Variants in ATL1 observed in about 807,000 individuals in gnomAD.
The protein encoded by ATL1 is atlastin GTPase 1.
A neutral mutation model predicts 75.5 loss-of-function variants in ATL1; 31 were observed. The observed-to-expected ratio is 0.41, with a 90% CI of 0.31 to 0.55. The LOEUF (loss-of-function observed/expected upper bound fraction) is 0.55. Among genes scored for constraint, ATL1 ranks in the 20% least tolerant of loss-of-function variants. ATL1 has a pLI of 0.27. For synonymous variants in ATL1, 226 were observed against 233.3 expected, an observed-to-expected ratio of 0.97 and a Z score of 0.28; for missense variants, 405 against 662.6, an observed-to-expected ratio of 0.61 and a Z score of 4.27.
intron 8 of ATL1, among the ~76,000 whole-genome samples, chr14:50,619,875 G>A (rs143432800): frequency 3.9e-5 from 6 of 152,256 alleles, no homozygotes; most frequent in Non-Finnish European, 7.4e-5. Flanking sequence ...ACATTTTCTG[G>A]AGGGAATGCA....
Position 50,624,699 on chromosome 14 carries a change from G to A in ATL1, c.1119+1451G>A, listed in dbSNP as rs538904922. ...GAAGGCATATGAAAAGCTGACATAG[G>A]CCAAAAGCTAGGCCTTTGCACCAAT... is the stretch of plus-strand genomic sequence containing the variant. On this transcript the variant is annotated intron_variant, in intron 11 of 13. Coordinates refer to ENST00000358385, the MANE Select transcript of ATL1 (RefSeq NM_015915.5). Among the ~76,000 whole-genome samples the A allele has an allele frequency of 1.1e-3, 167 of 152,140 alleles. 2 individuals carry two copies. The highest frequency in any genetic ancestry group is 3.8e-3 in the Admixed American group (58 of 15,260).
chr14:50,567,377 TG>T (rs2038914428), intron 1 of ATL1, among the ~76,000 whole-genome samples: 1 of 152,214 alleles, frequency 6.6e-6, no homozygotes, highest in African/African-American at 2.4e-5. Context: ...TGACAGACAC[TG>T]GGTTGCTTTC....
Position 50,591,067 on chromosome 14 carries a change from G to T in ATL1, c.409G>T (p.Gly137Cys), listed in dbSNP as rs772400647. Residue 137 changes from glycine to cysteine, a missense_variant, in exon 3 of 14, where the codon GGT becomes TGT. Transcript: ENST00000358385. ...SEIFLINKPD[G>C]KKVAVLLMDT... ...AATCTTCCTTATCAATAAACCTGAT[G>T]GTAAAAAGGTATGATGCTAACTTCC... The T allele has an allele frequency of 6.2e-6, 10 of 1,613,076 alleles. No individual in the cohort carries two copies. The highest frequency in any genetic ancestry group is 1.7e-4 in the Middle Eastern group (1 of 6,060).
At chr14:50,605,604 GAA>G (rs956256662) in intron 6 of ATL1, among the ~76,000 whole-genome samples, 7 of 151,858 alleles carry the variant, frequency 4.6e-5, no homozygotes, top group Non-Finnish European at 7.4e-5. Context: ...ATATTTAAGA[GAA>G]AGTCTTCCAA....
chr14:50,584,103 C>T (rs779612767), intron 1 of ATL1, among the ~76,000 whole-genome samples: 4 of 152,118 alleles, frequency 2.6e-5, no homozygotes, highest in East Asian at 1.9e-4. Flanking sequence ...GTCTGGGCAC[C>T]GTGGTTCATC....
At chr14:50,618,063 C>T (rs193099286) in intron 8 of ATL1, among the ~76,000 whole-genome samples, 10 of 152,240 alleles carry the variant, frequency 6.6e-5, no homozygotes, top group East Asian at 1.9e-4. Flanking sequence ...AACACACAGT[C>T]GTATCTTATT....
rs1268085657 is a variant in ATL1, at chr14:50,632,983, T to A, written c.*644T>A. 1.3e-5 allele frequency: 2 copies of A among 152,206 alleles called. No individual in the cohort carries two copies. Among genetic ancestry groups the A allele is most frequent in the African/African-American group, 4.8e-5 (2 of 41,454 alleles). The allele number at this position is 152,206 out of a possible 1,614,324, so 9.4% of individuals were successfully genotyped here. ...TGGTACACAAAGAATGTATTCTTCA[T>A]AGGTTTATTCTTTTAATATGTGAAC... On this transcript the variant is annotated 3_prime_UTR_variant, in exon 14 of 14. Coordinates refer to ENST00000358385, the MANE Select transcript of ATL1 (RefSeq NM_015915.5).
chr14:50,631,945 TG>T (rs2039585449), intron 13 of ATL1: 1 of 244,116 alleles, frequency 4.1e-6, no homozygotes, highest in African/African-American at 2.3e-5. Context: ...AGCACACCCC[TG>T]GGGCAAAGTA....
At chr14:50,625,014 G>A (rs770872098) in intron 11 of ATL1, among the ~76,000 whole-genome samples, 7 of 151,962 alleles carry the variant, frequency 4.6e-5, no homozygotes, top group Non-Finnish European at 8.8e-5. Context: ...AGGTTGCAAT[G>A]AGCCAAGATC....
rs1223717112 is a variant in ATL1 at position 50,587,842 on chromosome 14, G to C, written c.46G>C (p.Glu16Gln). ...RDRNSWGGFS[E>Q]KTYEWSSEEE... ...GCTCTGTTCAACAGGTGGATTTTCG[G>C]AAAAGACATATGAATGGAGCTCAGA... Residue 16 changes from glutamate to glutamine, a missense_variant, in exon 2 of 14, where the codon GAA becomes CAA. Glu to Gln is a conservative substitution (Grantham distance 29). Coordinates refer to ENST00000358385, the MANE Select transcript of ATL1 (RefSeq NM_015915.5). The C allele has an allele frequency of 3.7e-6, 6 of 1,614,064 alleles. No individual in the cohort carries two copies. Among genetic ancestry groups the C allele is most frequent in the Non-Finnish European group, 5.1e-6 (6 of 1,180,040 alleles).
At chr14:50,631,347 T>C (rs184069739) in intron 13 of ATL1, among the ~76,000 whole-genome samples, 68 of 151,956 alleles carry the variant, frequency 4.5e-4, no homozygotes, top group Non-Finnish European at 2.5e-4. Context: ...ATTAATGGAA[T>C]TTCCTGGGAA....
At position 50,613,321 on chromosome 14, in the gene ATL1, T is replaced by C. The variant is rs139720661; in HGVS notation, c.693T>C (p.Gly231=). The part of the protein sequence containing the change: ...FPYEFSYGAD[G]GAKFLEKRLK... ...ACGAATTTTCATATGGAGCCGATGG[T>C]GGTGCCAAATTCTTGGAAAAACGCC... The change falls in exon 7 of 14, where the codon GGT becomes GGC. Residue 231 remains glycine, a synonymous_variant. Transcript: ENST00000358385. The C allele has an allele frequency of 1.4e-3, 2,211 of 1,613,296 alleles. 29 individuals are homozygous for C. The African/African-American group carries it at 0.026, about 19-fold the overall frequency.
intron 1 of ATL1, among the ~76,000 whole-genome samples, chr14:50,586,921 T>C (rs1267017870): frequency 1.3e-5 from 2 of 152,136 alleles, no homozygotes; most frequent in African/African-American, 4.8e-5. Flanking sequence ...ATTACAAAGA[T>C]TAAATAAATA....
At chr14:50,629,289 A>G (rs1171868083) in intron 12 of ATL1, among the ~76,000 whole-genome samples, 1 of 152,164 alleles carries the variant, frequency 6.6e-6, no homozygotes, top group Non-Finnish European at 1.5e-5. Context: ...CAGCATTAAG[A>G]ACATACTTAT....
intron 1 of ATL1, among the ~76,000 whole-genome samples, chr14:50,582,433 G>A (rs1449315410): frequency 2.0e-5 from 3 of 146,830 alleles, no homozygotes; most frequent in African/African-American, 5.0e-5. Context: ...TCCATAAGAC[G>A]GAGTCTCACT....
intron 11 of ATL1, 91 bp from the exon 12 acceptor site, chr14:50,627,940 T>G: frequency 8.0e-7 from 1 of 1,243,910 alleles, no homozygotes; most frequent in Non-Finnish European, 1.2e-6. Flanking sequence ...TAACGTATTC[T>G]AACAAACTCA....
At chr14:50,588,157 A>T in intron 2 of ATL1, 79 bp downstream of exon 2, 1 of 1,567,042 alleles carries the variant, frequency 6.4e-7, no homozygotes, top group Admixed American at 1.7e-5. Flanking sequence ...GGTGTTCAAA[A>T]TTTTCATTTC....
At chr14:50,601,062 T>G (rs1230267676) in intron 6 of ATL1, among the ~76,000 whole-genome samples, 3 of 152,066 alleles carry the variant, frequency 2.0e-5, no homozygotes, top group Non-Finnish European at 4.4e-5. Flanking sequence ...GAGCTATGAT[T>G]GCACCGCTGC....
intron 8 of ATL1, among the ~76,000 whole-genome samples, chr14:50,615,269 T>C (rs987668198): frequency 5.3e-5 from 8 of 152,244 alleles, no homozygotes; most frequent in Non-Finnish European, 7.3e-5. Flanking sequence ...GTGTTGAATA[T>C]GCCACTGAAT....
Sources: allele counts gnomAD v4.1 joint callset (sites outside exome capture counted in the v4.1 genomes callset), GRCh38; gene constraint gnomAD v4.1.1; transcripts MANE v1.5; gene names NCBI Gene and HGNC (gene_info 2026-07-23, HGNC 2026-07-21).